The following ADGRL4 variants were observed in gnomAD, a reference collection of about 807,000 sequenced individuals.
ADGRL4 encodes the protein EGF, latrophilin and seven transmembrane domain containing 1.
ADGRL4 carries 90 observed loss-of-function variants against 74.8 expected under a neutral mutation model. The ratio of observed to expected loss-of-function variants is 1.20; its 90% CI spans 1.02 to 1.43. The LOEUF (loss-of-function observed/expected upper bound fraction) is 1.43, where lower values mean the gene tolerates loss of function less well. Among genes scored for constraint, ADGRL4 ranks in the 40% most tolerant of loss-of-function variants. ADGRL4 has a pLI of 0.00. For synonymous variants in ADGRL4, 311 were observed against 279.2 expected, an observed-to-expected ratio of 1.11 and a Z score of -1.14; for missense variants, 881 against 814.3, an observed-to-expected ratio of 1.08 and a Z score of -1.00.
intron 2 of ADGRL4, among the ~76,000 whole-genome samples, chr1:78,947,082 A>G (rs1649615981): frequency 6.6e-6 from 1 of 152,198 alleles, no homozygotes; most frequent in African/African-American, 2.4e-5. Context: ...GCAGATTTAT[A>G]TTATCTGTTA....
In ADGRL4 at chr1:78,920,327, C is replaced by T. The variant is rs772300869; in HGVS notation, c.1317G>A (p.Leu439=). Reference sequence around the variant, plus strand: ...TAAAAATGCATATGGCAAGACAAATCAGTGAAATAATTATTCCTAGTTGAG... The same window carrying T: ...TAAAAATGCATATGGCAAGACAAATTAGTGAAATAATTATTCCTAGTTGAG... ...RITQLGIIIS[L]ICLAICIFTF... The change falls in exon 10 of 15, where the codon CTG becomes CTA. Residue 439 remains leucine, a synonymous_variant. Coordinates refer to ENST00000370742, the MANE Select transcript of ADGRL4 (RefSeq NM_022159.4). 4.2e-5 allele frequency: 67 copies of T among 1,609,042 alleles called. 1 individual carries two copies. The South Asian group carries it at 7.3e-4, about 17-fold the overall frequency.
At chr1:78,951,453 A>C (rs982388777) in intron 2 of ADGRL4, among the ~76,000 whole-genome samples, 2 of 152,154 alleles carry the variant, frequency 1.3e-5, no homozygotes, top group African/African-American at 4.8e-5. Flanking sequence ...TAAAATAATA[A>C]ACAGATGCAT....
At chr1:78,941,872 G>A (rs1467748255) in intron 3 of ADGRL4, among the ~76,000 whole-genome samples, 2 of 152,054 alleles carry the variant, frequency 1.3e-5, no homozygotes, top group African/African-American at 2.4e-5. Context: ...TAACACTTAT[G>A]AGCTGTGTGA....
chr1:78,899,060 A>G (rs1648462313), intron 12 of ADGRL4, among the ~76,000 whole-genome samples: 1 of 152,178 alleles, frequency 6.6e-6, no homozygotes, highest in Admixed American at 6.6e-5. Context: ...GAAGCCATCT[A>G]TATGATGTTA....
In ADGRL4 at chr1:78,939,199, T is replaced by G; in HGVS notation, c.385A>C (p.Thr129Pro). Residue 129 changes from threonine (T) to proline (P), a missense_variant, in exon 4 of 15, where the codon ACT becomes CCT. Thr to Pro is a conservative substitution (Grantham distance 38). Transcript: ENST00000370742. ...NVCIAANINK[T>P]LTKIRSIKEP... ...ACTGTTCTACTTACTTTTGTTAAAG[T>G]TTTATTAATATTTGCAGCTATACAG... The G allele has an allele frequency of 6.4e-7, 1 of 1,561,014 alleles. No homozygotes were observed.
chr1:78,991,165 T>C (rs1650601316), intron 2 of ADGRL4, among the ~76,000 whole-genome samples: 1 of 152,108 alleles, frequency 6.6e-6, no homozygotes, highest in Admixed American at 6.6e-5. Flanking sequence ...ACTTACGATG[T>C]GTTCTTGTCC....
intron 3 of ADGRL4, among the ~76,000 whole-genome samples, chr1:78,943,171 G>T (rs1649527762): frequency 6.6e-6 from 1 of 151,874 alleles, no homozygotes; most frequent in South Asian, 2.1e-4. Flanking sequence ...ATTATTCAAA[G>T]CTAGAAAAAA....
At chr1:78,965,855 A>G (rs1232719585) in intron 2 of ADGRL4, among the ~76,000 whole-genome samples, 1 of 152,228 alleles carries the variant, frequency 6.6e-6, no homozygotes, top group African/African-American at 2.4e-5. Flanking sequence ...CTGGCTTTTA[A>G]ATCTGACAGC....
At chr1:78,932,687 TAAA>T (rs1649268891) in intron 7 of ADGRL4, among the ~76,000 whole-genome samples, 1 of 140,446 alleles carries the variant, frequency 7.1e-6, no homozygotes, top group Non-Finnish European at 1.5e-5. Flanking sequence ...GCTAGGCTAA[TAAA>T]GAAGAAAAGA....
intron 2 of ADGRL4, among the ~76,000 whole-genome samples, chr1:79,000,867 C>A (rs528904598): frequency 6.6e-6 from 1 of 152,184 alleles, no homozygotes; most frequent in Admixed American, 6.5e-5. Flanking sequence ...TGATACATGA[C>A]TCTCCAGTAG....
intron 2 of ADGRL4, among the ~76,000 whole-genome samples, chr1:78,980,570 T>G (rs148130888): frequency 2.0e-4 from 30 of 152,076 alleles, no homozygotes; most frequent in African/African-American, 7.2e-4. Flanking sequence ...AGTTAAAGCT[T>G]TATTTATATA....
At chr1:78,969,787 T>C (rs2352614) in intron 2 of ADGRL4, among the ~76,000 whole-genome samples, 43,989 of 151,662 alleles carry the variant, frequency 0.29, 6,487 homozygotes, top group Middle Eastern at 0.33. Context: ...TTGTCATTAA[T>C]TGTTCTTAAG....
chr1:78,967,956 A>G (rs1315748359), intron 2 of ADGRL4, among the ~76,000 whole-genome samples: 1 of 151,764 alleles, frequency 6.6e-6, no homozygotes, highest in Non-Finnish European at 1.5e-5. Flanking sequence ...CTTTCTTGAC[A>G]CCTGGCTTTT....
chr1:78,989,754 A>G (rs1160867801), intron 2 of ADGRL4, among the ~76,000 whole-genome samples: 1 of 151,980 alleles, frequency 6.6e-6, no homozygotes, highest in Admixed American at 6.6e-5. Flanking sequence ...TCAAAAAGTG[A>G]TTGACAGATT....
At chr1:79,002,095 A>C (rs759412884) in intron 2 of ADGRL4, among the ~76,000 whole-genome samples, 34 of 152,102 alleles carry the variant, frequency 2.2e-4, no homozygotes, top group Non-Finnish European at 4.0e-4. Context: ...TGGAATTCTG[A>C]AGAATTCCAC....
intron 7 of ADGRL4, among the ~76,000 whole-genome samples, chr1:78,930,729 G>A (rs1024101161): frequency 4.0e-5 from 6 of 151,230 alleles, no homozygotes; most frequent in East Asian, 1.9e-4. Flanking sequence ...GATTACAGGC[G>A]CGAGCCACCG....
intron 2 of ADGRL4, among the ~76,000 whole-genome samples, chr1:78,996,385 A>T (rs1014974406): frequency 2.0e-5 from 3 of 152,184 alleles, no homozygotes; most frequent in African/African-American, 7.2e-5. Flanking sequence ...ATTATAAAAA[A>T]CTTAAATGTA....
intron 2 of ADGRL4, among the ~76,000 whole-genome samples, chr1:78,977,544 G>A (rs555726089): frequency 6.6e-6 from 1 of 152,002 alleles, no homozygotes; most frequent in Admixed American, 6.6e-5. Flanking sequence ...AAACAAAGTA[G>A]AATTACTTTA....
At chr1:78,939,833 G>T (rs1026261574) in intron 3 of ADGRL4, 3 of 152,500 alleles carry the variant, frequency 2.0e-5, no homozygotes, top group African/African-American at 7.2e-5. Flanking sequence ...ATGTTTTAGT[G>T]CTCATATGCC....
Sources: allele counts gnomAD v4.1 joint callset (sites outside exome capture counted in the v4.1 genomes callset), GRCh38; gene constraint gnomAD v4.1.1; transcripts MANE v1.5; gene names NCBI Gene and HGNC (gene_info 2026-07-23, HGNC 2026-07-21).